The following IRAK4 variants were observed in gnomAD, a reference collection of about 807,000 sequenced individuals.
IRAK4 encodes interleukin-1 receptor-associated kinase 4.
Under a neutral mutation model 51.8 loss-of-function variants are expected in IRAK4, and 44 were observed. That is an observed-to-expected ratio of 0.85 (90% CI 0.67 to 1.09). The LOEUF is 1.09. IRAK4 is among the 50% of genes least tolerant of loss of function. The pLI is 0.00. For synonymous variants in IRAK4, 149 were observed against 174.1 expected (o/e 0.86, Z 1.13); for missense variants, 487 against 538.0 (o/e 0.91, Z 0.94).
intron 6 of IRAK4, among the ~76,000 whole-genome samples, chr12:43,776,023 AGGCGACCGTCACCATGCCC>A (rs1434014790): frequency 6.6e-6 from 1 of 151,762 alleles, no homozygotes; most frequent in African/African-American, 2.4e-5. Context: ...CTGGGACTAC[AGGCGACCGTCACCATGCCC>A]GGCTAATTTT....
chr12:43,768,370 A>G (rs1471495941), intron 2 of IRAK4, 98 bp downstream of exon 2: 1 of 868,942 alleles, frequency 1.2e-6, no homozygotes, highest in Middle Eastern at 3.5e-4. Context: ...TTAGAAAGTA[A>G]ACCTCTCCAC....
chr12:43,786,069 C>T (rs1477335132), intron 10 of IRAK4, among the ~76,000 whole-genome samples: 3 of 147,414 alleles, frequency 2.0e-5, no homozygotes. Flanking sequence ...GACAGAGTCT[C>T]GCTGTGTCAC....
At position 43,772,299 on chromosome 12, in the gene IRAK4, C is replaced by T; in HGVS notation, c.427C>T (p.Gln143Ter). 6.2e-7 allele frequency: 1 copy of T among 1,613,802 alleles called. No homozygotes were observed. The highest frequency in any genetic ancestry group is 8.5e-7 in the Non-Finnish European group (1 of 1,179,920). ...TLMTPVQNLEQSYMPPDSSSP... is the reference protein window; with the variant it reads ...TLMTPVQNLE The stretch of plus-strand genomic sequence containing the variant: ...GATGACACCTGTGCAGAATCTTGAA[C>T]AAAGCTATATGCCACCTGACTCCTC... Residue 143 changes from glutamine (Q) to a stop codon, truncating the protein, a stop_gained, in exon 4 of 12, where the codon CAA becomes TAA. Transcript: ENST00000613694. LOFTEE classifies it high-confidence loss of function.
At chr12:43,782,579 T>C in intron 9 of IRAK4, 89 bp downstream of exon 9, 1 of 1,056,648 alleles carries the variant, frequency 9.5e-7, no homozygotes, top group South Asian at 1.4e-5. Context: ...CCCATCTTGT[T>C]TATCTCTCTT....
chr12:43,764,979 T>G (rs1316638192), intron 1 of IRAK4, among the ~76,000 whole-genome samples: 1 of 152,198 alleles, frequency 6.6e-6, no homozygotes, highest in East Asian at 1.9e-4. Context: ...TTTGCTTTAA[T>G]TGGACCACTG....
At chr12:43,762,058 G>A (rs1180870947) in intron 1 of IRAK4, among the ~76,000 whole-genome samples, 1 of 151,900 alleles carries the variant, frequency 6.6e-6, no homozygotes, top group Non-Finnish European at 1.5e-5. Context: ...TGCCCAGTCT[G>A]TTTTCATTAT....
At chr12:43,762,287 C>T (rs1161491004) in intron 1 of IRAK4, among the ~76,000 whole-genome samples, 1 of 152,182 alleles carries the variant, frequency 6.6e-6, no homozygotes, top group Non-Finnish European at 1.5e-5. Flanking sequence ...TATCCCTACA[C>T]TTATCACCTC....
chr12:43,779,604 T>C (rs569960672), intron 8 of IRAK4, among the ~76,000 whole-genome samples: 25 of 152,278 alleles, frequency 1.6e-4, no homozygotes, highest in African/African-American at 6.0e-4. Context: ...ACCTTGGCTA[T>C]GCAGGGGTTC....
intron 2 of IRAK4, among the ~76,000 whole-genome samples, chr12:43,770,679 T>A (rs1940658690): frequency 6.6e-6 from 1 of 152,182 alleles, no homozygotes; most frequent in Admixed American, 6.5e-5. Flanking sequence ...TTTTCTTTAA[T>A]GTTGTAGGAG....
Position 43,774,080 on chromosome 12 carries a change from G to A in IRAK4, c.716+51G>A, listed in dbSNP as rs997926807. 7 of 1,271,094 alleles carry A rather than the reference G, an allele frequency of 5.5e-6. No homozygotes were observed. In the Admixed American group the frequency reaches 1.2e-4, roughly 21 times the overall value. The allele number at this position is 1,271,094 out of a possible 1,614,324, so 78.7% of individuals were successfully genotyped here. On this transcript the variant is annotated intron_variant, in intron 6 of 11. Transcript: ENST00000613694. ...GTAGTGGAAAGAAAAAAGACAAGGA[G>A]TAAAGAACCTGGTTCACTCTAGAGT...
rs1565673748 is a variant in IRAK4 at position 43,774,032 on chromosome 12, A to G, written c.716+3A>G. On this transcript the variant is annotated splice_donor_region_variant and intron_variant, in intron 6 of 11. Coordinates refer to ENST00000613694, the MANE Select transcript of IRAK4 (RefSeq NM_016123.4). ...CAAGAAATAAAAGTAATGGCAAAGTAAGTCTTAATCTGGCAGTGCGGTGTA... is the reference window on the plus strand; with the variant it reads ...CAAGAAATAAAAGTAATGGCAAAGTGAGTCTTAATCTGGCAGTGCGGTGTA... The G allele has an allele frequency of 6.2e-7, 1 of 1,606,412 alleles. No homozygotes were observed. Among genetic ancestry groups the G allele is most frequent in the African/African-American group, 1.3e-5 (1 of 74,966 alleles).
At chr12:43,776,079 G>T (rs4251487) in intron 6 of IRAK4, among the ~76,000 whole-genome samples, 16,323 of 151,578 alleles carry the variant, frequency 0.11, 1,319 homozygotes, top group African/African-American at 0.22. Context: ...TAGAGACGGG[G>T]TTTCACCACG....
chr12:43,783,185 T>A (rs1169600208), intron 9 of IRAK4, among the ~76,000 whole-genome samples: 3 of 152,174 alleles, frequency 2.0e-5, no homozygotes, highest in Admixed American at 2.0e-4. Context: ...CCAAAGCTCA[T>A]GTTCTTTCCA....
At chr12:43,775,873 A>ATTTT (rs1941212405) in intron 6 of IRAK4, among the ~76,000 whole-genome samples, 1 of 119,516 alleles carries the variant, frequency 8.4e-6, no homozygotes, top group African/African-American at 3.6e-5. Context: ...TAATATCATT[A>ATTTT]CTTTTTTTTT....
chr12:43,768,062 A>G, intron 1 of IRAK4, 41 bp from the exon 2 acceptor site: 2 of 1,479,872 alleles, frequency 1.4e-6, no homozygotes, highest in Non-Finnish European at 1.9e-6. Context: ...GTCATCTCTA[A>G]AAGTACTGTA....
At chr12:43,780,166 T>A (rs1941651084) in intron 8 of IRAK4, among the ~76,000 whole-genome samples, 1 of 152,204 alleles carries the variant, frequency 6.6e-6, no homozygotes, top group African/African-American at 2.4e-5. Context: ...TGGTCTTTGG[T>A]GACTTTATGG....
At chr12:43,772,442 T>A in intron 4 of IRAK4, 80 bp downstream of exon 4, 1 of 1,307,910 alleles carries the variant, frequency 7.6e-7, no homozygotes, top group Non-Finnish European at 1.1e-6. Context: ...TCTTGCTCTT[T>A]TGTTTGTGCA....
chr12:43,771,585 A>G (rs543160283), intron 3 of IRAK4, among the ~76,000 whole-genome samples: 1 of 152,332 alleles, frequency 6.6e-6, no homozygotes, highest in African/African-American at 2.4e-5. Flanking sequence ...AGAGTTAGAT[A>G]GTTTTGTGCC....
intron 8 of IRAK4, among the ~76,000 whole-genome samples, chr12:43,781,945 C>G (rs1941810260): frequency 6.6e-6 from 1 of 152,052 alleles, no homozygotes; most frequent in African/African-American, 2.4e-5. Flanking sequence ...ATAAAGGTGC[C>G]TTGGAAGACT....
Sources: gnomAD v4.1 joint callset for allele counts (sites outside exome capture counted in the v4.1 genomes callset) on GRCh38, gnomAD v4.1.1 for gene constraint, MANE v1.5 for transcripts, NCBI Gene and HGNC (gene_info 2026-07-23, HGNC 2026-07-21) for gene names.